RAB38: variants seen among roughly 807,000 people sequenced by gnomAD.
RAB38 encodes ras-related protein Rab-38.
A neutral mutation model predicts 18.4 loss-of-function variants in RAB38; 15 were observed. That is an observed-to-expected ratio of 0.82 (90% CI 0.55 to 1.26). RAB38 has a LOEUF of 1.26. Among genes scored for constraint, RAB38 ranks in the 50% most tolerant of loss-of-function variants. The probability of loss-of-function intolerance (pLI) is 0.00; values close to 1 mark genes in which losing one functional copy is unlikely to be tolerated. For synonymous variants in RAB38, 101 were observed against 104.4 expected, an observed-to-expected ratio of 0.97 and a Z score of 0.20; for missense variants, 294 against 267.4, an observed-to-expected ratio of 1.10 and a Z score of -0.69.
At chr11:87,897,623 C>T in the RAB38 span, among the ~76,000 whole-genome samples, 1 of 151,308 alleles carries the variant, frequency 6.6e-6, no homozygotes, top group Non-Finnish European at 1.5e-5. Context: ...CACATATTTG[C>T]CTAAATTTTG....
chr11:87,977,802 A>G, the RAB38 span, among the ~76,000 whole-genome samples: 3 of 114,412 alleles, frequency 2.6e-5, no homozygotes, highest in African/African-American at 1.0e-4. Flanking sequence ...TATATATTAT[A>G]GAGTTATATA....
At chr11:88,012,202 T>C in the RAB38 span, among the ~76,000 whole-genome samples, 1 of 152,154 alleles carries the variant, frequency 6.6e-6, no homozygotes, top group Non-Finnish European at 1.5e-5. Flanking sequence ...TACTGATTAA[T>C]GAAGCTGACG....
chr11:87,889,821 G>A, the RAB38 span, among the ~76,000 whole-genome samples: 57 of 150,218 alleles, frequency 3.8e-4, no homozygotes, highest in Middle Eastern at 6.8e-3. Flanking sequence ...TTTCTGTGTG[G>A]TTTTTTTTTG....
intron 2 of RAB38, among the ~76,000 whole-genome samples, chr11:88,117,827 A>C (rs1942576628): frequency 2.6e-5 from 4 of 152,218 alleles, no homozygotes; most frequent in Admixed American, 2.6e-4. Context: ...TAATACTTGA[A>C]ACATGAAATA....
the RAB38 span, among the ~76,000 whole-genome samples, chr11:87,860,282 G>A: frequency 6.6e-6 from 1 of 151,916 alleles, no homozygotes; most frequent in African/African-American, 2.4e-5. Context: ...AAATCTAATT[G>A]TATTGGCTTA....
chr11:88,076,985 A>AAAAGAAAAGAC, the RAB38 span, among the ~76,000 whole-genome samples: 7 of 18,022 alleles, frequency 3.9e-4, no homozygotes, highest in Admixed American at 2.9e-3. Flanking sequence ...AGAAAGAAAG[A>AAAAGAAAAGAC]AAGAAAAGAA....
chr11:87,831,261 A>AGAAG, the RAB38 span, among the ~76,000 whole-genome samples: 1 of 152,170 alleles, frequency 6.6e-6, no homozygotes, highest in African/African-American at 2.4e-5. Context: ...GAGAGAGACA[A>AGAAG]GATGCACACA....
chr11:88,104,890 A>G, the RAB38 span, among the ~76,000 whole-genome samples: 4 of 152,140 alleles, frequency 2.6e-5, no homozygotes, highest in Admixed American at 2.6e-4. Context: ...AAAATTAATC[A>G]GTATTTAAAT....
chr11:88,091,679 C>T, the RAB38 span, among the ~76,000 whole-genome samples: 1 of 151,954 alleles, frequency 6.6e-6, no homozygotes, highest in Non-Finnish European at 1.5e-5. Flanking sequence ...ATCTTCATTC[C>T]TTTGTAGTCA....
At chr11:87,941,521 T>TTC in the RAB38 span, among the ~76,000 whole-genome samples, 3 of 151,976 alleles carry the variant, frequency 2.0e-5, no homozygotes, top group Non-Finnish European at 4.4e-5. Flanking sequence ...CTCTACTTGA[T>TTC]TCTCTTCCTC....
At chr11:87,916,883 GGACT>G in the RAB38 span, among the ~76,000 whole-genome samples, 3 of 152,162 alleles carry the variant, frequency 2.0e-5, no homozygotes, top group Admixed American at 6.5e-5. Flanking sequence ...TATACATAGT[GGACT>G]GACTAAATGA....
chr11:87,969,208 G>A, the RAB38 span, among the ~76,000 whole-genome samples: 1 of 151,878 alleles, frequency 6.6e-6, no homozygotes, highest in East Asian at 1.9e-4. Context: ...TTTCCAACTC[G>A]ATATTACTCA....
At chr11:88,067,569 A>G in the RAB38 span, among the ~76,000 whole-genome samples, 2 of 152,182 alleles carry the variant, frequency 1.3e-5, no homozygotes, top group Admixed American at 1.3e-4. Context: ...TGCTTTTTGC[A>G]CATTATTTCA....
At chr11:87,956,918 G>C in the RAB38 span, among the ~76,000 whole-genome samples, 545 of 151,580 alleles carry the variant, frequency 3.6e-3, 2 homozygotes, top group African/African-American at 0.012. Flanking sequence ...CCTGTTTTTT[G>C]TACACTGACA....
At chr11:87,864,786 C>T in the RAB38 span, among the ~76,000 whole-genome samples, 2 of 151,678 alleles carry the variant, frequency 1.3e-5, no homozygotes, top group African/African-American at 2.4e-5. Flanking sequence ...ACGAGTTAGA[C>T]AAAGTATAAA....
the RAB38 span, among the ~76,000 whole-genome samples, chr11:87,830,322 AAATT>A: frequency 6.6e-6 from 1 of 151,970 alleles, no homozygotes; most frequent in Non-Finnish European, 1.5e-5. Context: ...TCTCTACAAA[AAATT>A]AAAAATTAGC....
chr11:88,022,738 C>T, the RAB38 span, among the ~76,000 whole-genome samples: 2 of 151,326 alleles, frequency 1.3e-5, no homozygotes, highest in Admixed American at 6.6e-5. Flanking sequence ...TTTTTTATAG[C>T]CATACAGTAT....
the RAB38 span, among the ~76,000 whole-genome samples, chr11:87,970,229 TA>T: frequency 2.0e-5 from 3 of 152,028 alleles, no homozygotes; most frequent in African/African-American, 7.2e-5. Context: ...TGTGGTATTT[TA>T]AAAATTAAAA....
chr11:87,935,206 C>T, the RAB38 span, among the ~76,000 whole-genome samples: 1 of 152,112 alleles, frequency 6.6e-6, no homozygotes, highest in Non-Finnish European at 1.5e-5. Context: ...TCTCCTCAGT[C>T]ATTTCATCCA....
Sources: allele counts gnomAD v4.1 joint callset (sites outside exome capture counted in the v4.1 genomes callset), GRCh38; gene constraint gnomAD v4.1.1; transcripts MANE v1.5; gene names NCBI Gene and HGNC (gene_info 2026-07-23, HGNC 2026-07-21).